ANAPC7: variants seen among roughly 807,000 people sequenced by gnomAD.
ANAPC7 encodes anaphase-promoting complex subunit 7.
ANAPC7 carries 25 observed loss-of-function variants against 63.3 expected under a neutral mutation model. The observed-to-expected ratio is 0.39, with a 90% CI of 0.29 to 0.55. The LOEUF is 0.55. Ranked by LOEUF, ANAPC7 falls within the 20% of genes least tolerant of loss-of-function variation. The pLI is 0.57. For synonymous variants in ANAPC7, 241 were observed against 251.7 expected, an observed-to-expected ratio of 0.96 and a Z score of 0.40; for missense variants, 516 against 691.7, an observed-to-expected ratio of 0.75 and a Z score of 2.85.
rs572441058 is a variant in ANAPC7 at position 110,392,805 on chromosome 12, T to G, written c.408+2296A>C. Among the ~76,000 whole-genome samples the G allele has an allele frequency of 2.0e-5, 3 of 151,448 alleles. No homozygotes were observed. The South Asian group carries it at 6.2e-4, about 31-fold the overall frequency. On this transcript the variant is annotated intron_variant, in intron 3 of 10. Transcript: ENST00000455511. ...AGATCTTTTTTTGTTTGTTTTTTTGTTTTTTTTGAGATGGAGTTTCACTCT... is the reference window on the plus strand; with the variant it reads ...AGATCTTTTTTTGTTTGTTTTTTTGGTTTTTTTGAGATGGAGTTTCACTCT...
At chr12:110,377,840 G>A in intron 8 of ANAPC7, 2 of 1,405,848 alleles carry the variant, frequency 1.4e-6, no homozygotes, top group Middle Eastern at 2.2e-4. Context: ...GCCTTCAAAG[G>A]CACCTTCAGT....
chr12:110,396,383 C>T lies in ANAPC7; in HGVS notation c.171G>A (p.Lys57=), dbSNP rs756285136. The change falls in exon 2 of 11, where the codon AAG becomes AAA. Residue 57 remains lysine, a synonymous_variant. Coordinates refer to ENST00000455511, the MANE Select transcript of ANAPC7 (RefSeq NM_016238.3). The part of the protein sequence containing the change: ...VYHADSLFHD[K]EYRNAVSKYT... ...ACTTACTCACAGCATTCCGATATTCCTTATCATGAAAGAGAGAATCTGCAT... is the reference window on the plus strand; with the variant it reads ...ACTTACTCACAGCATTCCGATATTCTTTATCATGAAAGAGAGAATCTGCAT... The T allele has an allele frequency of 3.1e-6, 5 of 1,613,994 alleles. No homozygotes were observed. In the South Asian group the frequency reaches 5.5e-5, roughly 18 times the overall value.
chr12:110,395,160 G>C lies in ANAPC7; in HGVS notation c.349C>G (p.Gln117Glu), dbSNP rs201940515. Reference protein sequence around the residue: ...KMAECYTMLKQDKDAIAILDG... With the variant: ...KMAECYTMLKEDKDAIAILDG... ...AGTATAGCAATGGCATCTTTATCTT[G>C]TTTTAGCATTGTATAACATTCAGCC... Residue 117 changes from glutamine (Q) to glutamate (E), a missense_variant, in exon 3 of 11, where the codon CAA becomes GAA. By Grantham distance (29) the Gln-to-Glu change is conservative. Transcript: ENST00000455511. 1.2e-6 allele frequency: 2 copies of C among 1,613,628 alleles called. No homozygotes were observed. Among genetic ancestry groups the C allele is most frequent in the Non-Finnish European group, 1.7e-6 (2 of 1,179,668 alleles).
chr12:110,386,176 G>T (rs1270549401), intron 6 of ANAPC7, 151 bp downstream of exon 6: 2 of 1,143,766 alleles, frequency 1.7e-6, no homozygotes, highest in Non-Finnish European at 2.5e-6. Context: ...AGAGACATGT[G>T]TCATGACCTA....
chr12:110,399,424 A>C (rs972287497), intron 1 of ANAPC7, among the ~76,000 whole-genome samples: 25 of 151,678 alleles, frequency 1.6e-4, no homozygotes, highest in African/African-American at 6.1e-4. Context: ...AGACTGCTTG[A>C]GCCTAGAGTC....
chr12:110,381,115 G>GA (rs1253130605), intron 8 of ANAPC7, among the ~76,000 whole-genome samples: 22 of 150,298 alleles, frequency 1.5e-4, no homozygotes, highest in African/African-American at 4.6e-4. Context: ...AAAAAAATCA[G>GA]AAAAAATGGA....
At chr12:110,382,078 G>T in intron 7 of ANAPC7, 130 bp from the exon 8 acceptor site, 1 of 884,170 alleles carries the variant, frequency 1.1e-6, no homozygotes, top group Non-Finnish European at 1.6e-6. Flanking sequence ...CACACTTATA[G>T]TTTTAACCTA....
At chr12:110,383,875 CAAAAAAAAAAAAAA>C (rs1159374781) in intron 6 of ANAPC7, among the ~76,000 whole-genome samples, 1 of 50,678 alleles carries the variant, frequency 2.0e-5, no homozygotes, top group African/African-American at 6.8e-5. Flanking sequence ...GACTCCGTCT[CAAAAAAAAAAAAAA>C]AAAAAAAAAG....
At chr12:110,378,684 T>C (rs1469562115) in intron 8 of ANAPC7, 1 of 152,058 alleles carries the variant, frequency 6.6e-6, no homozygotes, top group Non-Finnish European at 1.5e-5. Flanking sequence ...AACAGAGGAA[T>C]AACTTTTTGG....
intron 2 of ANAPC7, among the ~76,000 whole-genome samples, 180 bp from the exon 3 acceptor site, chr12:110,395,400 A>T (rs1356668055): frequency 6.6e-6 from 1 of 151,118 alleles, no homozygotes; most frequent in Non-Finnish European, 1.5e-5. Context: ...CTGCAGTCTT[A>T]GACTCCTAGT....
intron 3 of ANAPC7, among the ~76,000 whole-genome samples, chr12:110,392,835 G>A (rs972161011): frequency 6.6e-6 from 1 of 151,708 alleles, no homozygotes; most frequent in Non-Finnish European, 1.5e-5. Context: ...CACTCTTGTT[G>A]CCCAGGCTGG....
At position 110,373,963 on chromosome 12, in the gene ANAPC7, TG is replaced by T; in HGVS notation, c.*180del. 1 of 604,900 alleles carries T rather than the reference TG, an allele frequency of 1.7e-6. No homozygotes were observed. The highest frequency in any genetic ancestry group is 3.2e-5 in the East Asian group (1 of 31,276). 37.5% of individuals were successfully genotyped at this position (604,900 alleles called of 1,614,324 possible). ...GGGAGGATGGAGATACATGGAAGGTTGGTCAGGCTCTGTTTTAGAAATGAAG... is the reference window on the plus strand; with the variant it reads ...GGGAGGATGGAGATACATGGAAGGTTGTCAGGCTCTGTTTTAGAAATGAAG... On this transcript the variant is annotated 3_prime_UTR_variant, in exon 11 of 11. Coordinates refer to ENST00000455511, the MANE Select transcript of ANAPC7 (RefSeq NM_016238.3).
Position 110,387,902 on chromosome 12 carries a change from C to A in ANAPC7, c.521-10G>T, listed in dbSNP as rs1361054592. ...GAAAGGGACAACAAGCCTAAACCAA[C>A]AGAAAGCAGAAGAAAGAAAGTAAGG... On this transcript the variant is annotated splice_polypyrimidine_tract_variant and intron_variant, in intron 4 of 10. Transcript: ENST00000455511. The A allele has an allele frequency of 2.5e-6, 4 of 1,611,528 alleles. No individual in the cohort carries two copies. The highest frequency in any genetic ancestry group is 3.4e-6 in the Non-Finnish European group (4 of 1,178,148).
rs565686279 is a variant in ANAPC7 at position 110,380,276 on chromosome 12, G to A, written c.1132+1476C>T. The stretch of plus-strand genomic sequence containing the variant: ...TGAAGCAGGAGAATCACTTAAACCC[G>A]GCAAGTGGAGGTTGCAGTGAGCTGA... On this transcript the variant is annotated intron_variant, in intron 8 of 10. Coordinates refer to ENST00000455511, the MANE Select transcript of ANAPC7 (RefSeq NM_016238.3). 7.9e-5 allele frequency among the ~76,000 whole-genome samples: 12 copies of A among 152,036 alleles called. No individual in the cohort carries two copies. In the South Asian group the frequency reaches 2.1e-3, roughly 26 times the overall value.
At chr12:110,388,037 G>A in intron 4 of ANAPC7, 145 bp from the exon 5 acceptor site, 4 of 881,256 alleles carry the variant, frequency 4.5e-6, no homozygotes, top group East Asian at 2.7e-5. Context: ...CCATAATTTA[G>A]TATTTCTTTT....
intron 6 of ANAPC7, among the ~76,000 whole-genome samples, chr12:110,385,035 G>A (rs879753474): frequency 1.7e-4 from 26 of 152,156 alleles, no homozygotes; most frequent in Non-Finnish European, 2.9e-4. Flanking sequence ...AGACTGAGGC[G>A]GGTGGATTAC....
chr12:110,403,585 G>A lies in ANAPC7; in HGVS notation c.43C>T (p.Leu15=). The A allele has an allele frequency of 6.2e-7, 1 of 1,608,594 alleles. No homozygotes were observed. The highest frequency in any genetic ancestry group is 2.2e-5 in the East Asian group (1 of 44,658). Residue 15 remains leucine, a synonymous_variant, in exon 1 of 11, where the codon CTG becomes TTG. Coordinates refer to ENST00000455511, the MANE Select transcript of ANAPC7 (RefSeq NM_016238.3). ...DHVRDMAAAG[L]HSNVRLLSSL... ...CTGAGGAGCCGCACGTTGGAGTGCAGCCCCGCGGCCGCCATGTCCCGCACG... is the reference window on the plus strand; with the variant it reads ...CTGAGGAGCCGCACGTTGGAGTGCAACCCCGCGGCCGCCATGTCCCGCACG...
chr12:110,388,601 A>C lies in ANAPC7; in HGVS notation c.431T>G (p.Leu144Arg), dbSNP rs1392123687. Residue 144 changes from leucine to arginine, a missense_variant, in exon 4 of 11, where the codon CTG becomes CGG. Leu to Arg is a moderately radical substitution (Grantham distance 102). Around this residue, in one of 4 missense-constraint regions of ANAPC7, gnomAD observed 185 missense variants for 200.3 expected, o/e 0.92. Coordinates refer to ENST00000455511, the MANE Select transcript of ANAPC7 (RefSeq NM_016238.3). ...GCGCTCCTGACCAGCCTTCTTGTAC[A>C]GGTTTGCCAGCATCATGTTTATCTG... ...TPKINMMLAN[L>R]YKKAGQERPS... 6.2e-7 allele frequency: 1 copy of C among 1,614,028 alleles called. No individual in the cohort carries two copies.
At position 110,381,922 on chromosome 12, in the gene ANAPC7, T is replaced by C. The variant is rs1881880186; in HGVS notation, c.962A>G (p.Tyr321Cys). 2 of 1,559,062 alleles carry C rather than the reference T, an allele frequency of 1.3e-6. No homozygotes were observed. Among genetic ancestry groups the C allele is most frequent in the Non-Finnish European group, 1.7e-6 (2 of 1,157,530 alleles). Residue 321 changes from tyrosine (Y) to cysteine (C), a missense_variant, in exon 8 of 11, where the codon TAC becomes TGC. Tyr to Cys is a radical substitution (Grantham distance 194). Around this residue, in one of 4 missense-constraint regions of ANAPC7, gnomAD observed 199 missense variants for 249.3 expected, o/e 0.80. Transcript: ENST00000455511. ...GGCTCCTAAATAGAGGGCCCGGGAG[T>C]AGCGTTTGCTATAGAAGCTGTGACA... is the stretch of plus-strand genomic sequence containing the variant. ...SGCHSFYSKR[Y>C]SRALYLGAKA...
Sources: allele counts gnomAD v4.1 joint callset (sites outside exome capture counted in the v4.1 genomes callset), GRCh38; gene constraint gnomAD v4.1.1; regional missense constraint gnomAD v4.1.1; transcripts MANE v1.5; gene names NCBI Gene and HGNC (gene_info 2026-07-23, HGNC 2026-07-21).